Variants in GRHL1 observed in about 807,000 individuals in gnomAD.
GRHL1 encodes the protein grainyhead-like protein 1 homolog.
In GRHL1, 38 loss-of-function variants were observed where a neutral mutation model predicts 75.7. That is an observed-to-expected ratio of 0.50 (90% confidence interval 0.39 to 0.66). The LOEUF (loss-of-function observed/expected upper bound fraction) is 0.66. GRHL1 is among the 30% of genes least tolerant of loss of function. The probability of loss-of-function intolerance (pLI) is 0.00; values close to 1 mark genes in which losing one functional copy is unlikely to be tolerated. For missense variants in GRHL1, 589 were observed against 767.5 expected (o/e 0.77, Z 2.75); for synonymous variants, 266 against 279.4 (o/e 0.95, Z 0.48).
chr2:9,997,022 G>A (rs953470098), intron 14 of GRHL1, among the ~76,000 whole-genome samples: 6 of 152,210 alleles, frequency 3.9e-5, no homozygotes, highest in Non-Finnish European at 8.8e-5. Flanking sequence ...AGCACTGAGT[G>A]CAGATATTTA....
At chr2:9,972,587 G>A (rs1177930343) in intron 8 of GRHL1, among the ~76,000 whole-genome samples, 1 of 152,110 alleles carries the variant, frequency 6.6e-6, no homozygotes, top group Non-Finnish European at 1.5e-5. Flanking sequence ...GCTTTTCCTT[G>A]TAAATGAAAG....
At chr2:9,988,477 C>G (rs1479507964) in intron 9 of GRHL1, among the ~76,000 whole-genome samples, 1 of 152,164 alleles carries the variant, frequency 6.6e-6, no homozygotes, top group Admixed American at 6.5e-5. Flanking sequence ...ACCCTGACCC[C>G]CAGCCTTGGG....
chr2:9,994,555 C>T (rs1018653046), intron 12 of GRHL1, among the ~76,000 whole-genome samples: 6 of 152,124 alleles, frequency 3.9e-5, no homozygotes, highest in Admixed American at 2.0e-4. Flanking sequence ...CGTTACCCAT[C>T]GTGCCTCTCT....
chr2:9,967,368 G>A (rs1020445614), intron 8 of GRHL1, among the ~76,000 whole-genome samples: 2 of 152,274 alleles, frequency 1.3e-5, no homozygotes, highest in African/African-American at 4.8e-5. Flanking sequence ...TTTGTTTGAT[G>A]TGTCACTCTT....
chr2:9,987,175 G>C lies in GRHL1; in HGVS notation c.1269+893G>C, dbSNP rs1668458089. Among the ~76,000 whole-genome samples, 1 of 152,080 alleles carries C rather than the reference G, an allele frequency of 6.6e-6. No individual in the cohort carries two copies. The highest frequency in any genetic ancestry group is 1.5e-5 in the Non-Finnish European group (1 of 68,012). On this transcript the variant is annotated intron_variant, in intron 9 of 15. Transcript: ENST00000324907. This position sits in a 1 kb window ranked among gnomAD's most constrained non-coding sequence, Gnocchi z 4.2. ...TTGTATAGAAACAGGGTTTCGCCAGGTTGGCCAGGCTGGTCTTGAATTCCT... is the reference window on the plus strand; with the variant it reads ...TTGTATAGAAACAGGGTTTCGCCAGCTTGGCCAGGCTGGTCTTGAATTCCT...
rs60857888 is a variant in GRHL1, at chr2:9,958,490, A to AT, written c.208-286dup. ...GCCACCAGCTGTGGCCAGCGGAGGTATTTTTTTTTTAAGAGATGAGACCCA... is the reference window on the plus strand; with the variant it reads ...GCCACCAGCTGTGGCCAGCGGAGGTATTTTTTTTTTTAAGAGATGAGACCCA... On this transcript the variant is annotated intron_variant, in intron 2 of 15. Transcript: ENST00000324907. Among the ~76,000 whole-genome samples the AT allele has an allele frequency of 6.7e-4, 101 of 149,634 alleles. 1 individual carries two copies. Among genetic ancestry groups the AT allele is most frequent in the Admixed American group, 2.1e-3 (31 of 15,020 alleles).
chr2:9,976,530 G>C (rs1667954377), intron 8 of GRHL1, among the ~76,000 whole-genome samples: 1 of 152,146 alleles, frequency 6.6e-6, no homozygotes, highest in Non-Finnish European at 1.5e-5. Flanking sequence ...GACCCCAAGG[G>C]TCTTGGGGTT....
intron 3 of GRHL1, chr2:9,959,697 G>C (rs1667185230): frequency 6.6e-6 from 1 of 152,178 alleles, no homozygotes. Flanking sequence ...AGCCTCAACA[G>C]TTATCAACAC....
At chr2:9,998,890 A>G (rs189326991) in intron 14 of GRHL1, 75 bp from the exon 15 acceptor site, 30,210 of 304,642 alleles carry the variant, frequency 0.099, 7,299 homozygotes, top group Non-Finnish European at 0.11. Context: ...ATATATATAC[A>G]TATATATATA....
intron 8 of GRHL1, among the ~76,000 whole-genome samples, chr2:9,984,353 A>T (rs74404524): frequency 6.6e-6 from 1 of 152,100 alleles, no homozygotes; most frequent in South Asian, 2.1e-4. Flanking sequence ...GGCCAGTCTT[A>T]GTTTTAAAAA....
rs1449878499 is a variant in GRHL1, at chr2:9,986,175, G to A, written c.1162G>A (p.Val388Met). 2 of 1,613,744 alleles carry A rather than the reference G, an allele frequency of 1.2e-6. No individual in the cohort carries two copies. Among genetic ancestry groups the A allele is most frequent in the African/African-American group, 2.7e-5 (2 of 74,986 alleles). The change falls in exon 9 of 16, where the codon GTG becomes ATG. Residue 388 changes from valine (V) to methionine (M), a missense_variant. Physicochemically the swap from Val to Met is conservative, Grantham distance 21 (BLOSUM62 1). Around this residue, in one of 5 missense-constraint regions of GRHL1, gnomAD observed 30 missense variants for 40.3 expected, o/e 0.74. Coordinates refer to ENST00000324907, the MANE Select transcript of GRHL1 (RefSeq NM_198182.3). ...CACAGATTTCTCTTCCCAGAAGGGA[G>A]TGAAGGGGTTGCCTCTTAACATTCA... ...LSTDFSSQKGVKGLPLNIQVD... is the reference protein window; with the variant it reads ...LSTDFSSQKGMKGLPLNIQVD...
chr2:9,964,501 G>A, intron 7 of GRHL1, 155 bp downstream of exon 7: 1 of 581,182 alleles, frequency 1.7e-6, no homozygotes, highest in Non-Finnish European at 3.1e-6. Flanking sequence ...CGGCCTCCTG[G>A]AACCAGTGCT....
At chr2:9,956,709 AATT>A (rs1196945834) in intron 2 of GRHL1, among the ~76,000 whole-genome samples, 5 of 152,184 alleles carry the variant, frequency 3.3e-5, no homozygotes, top group African/African-American at 1.2e-4. Flanking sequence ...TTGAAGTGGA[AATT>A]ATTATATATC....
Position 9,992,071 on chromosome 2 carries a change from C to T in GRHL1, c.1386C>T (p.Pro462=). The T allele has an allele frequency of 6.2e-7, 1 of 1,613,472 alleles. No homozygotes were observed. The highest frequency in any genetic ancestry group is 8.5e-7 in the Non-Finnish European group (1 of 1,179,576). ...HKRMDITVFK[P]FIDLDTQPVL... ...GAATGGATATCACAGTTTTCAAACC[C>T]TTCATTGATCTCGATACTCAGCCTG... Residue 462 remains proline, a synonymous_variant, in exon 11 of 16, where the codon CCC becomes CCT. Coordinates refer to ENST00000324907, the MANE Select transcript of GRHL1 (RefSeq NM_198182.3). The surrounding 1 kb of genome is among the most constrained non-coding windows in gnomAD (Gnocchi z 4.6).
In GRHL1 at chr2:9,986,638, C is replaced by T. The variant is rs562154303; in HGVS notation, c.1269+356C>T. Among the ~76,000 whole-genome samples, 3 of 151,964 alleles carry T rather than the reference C, an allele frequency of 2.0e-5. No homozygotes were observed. The South Asian group carries it at 6.2e-4, about 32-fold the overall frequency. On this transcript the variant is annotated intron_variant, in intron 9 of 15. Transcript: ENST00000324907. ...TCGCCATGTTCCCCAGGCTGGTCTC[C>T]AACTCCTGAGCTCAGGTAATCTGCC...
In GRHL1 at chr2:9,965,364, A is replaced by G. The variant is rs1344226054; in HGVS notation, c.1093A>G (p.Ile365Val). 1.2e-6 allele frequency: 2 copies of G among 1,605,026 alleles called. No individual in the cohort carries two copies. The highest frequency in any genetic ancestry group is 2.2e-5 in the East Asian group (1 of 44,850). The change falls in exon 8 of 16, where the codon ATC becomes GTC. Residue 365 changes from isoleucine to valine, a missense_variant. Transcript: ENST00000324907. ...AYNAISFTWDINDEAKVFISV... is the reference protein window; with the variant it reads ...AYNAISFTWDVNDEAKVFISV... Reference sequence around the variant, plus strand: ...TAACGCCATTTCCTTCACATGGGACATCAACGATGAAGCAAAGGTGGGTGG... The same window carrying G: ...TAACGCCATTTCCTTCACATGGGACGTCAACGATGAAGCAAAGGTGGGTGG...
At chr2:9,957,271 G>A (rs1047745418) in intron 2 of GRHL1, among the ~76,000 whole-genome samples, 4 of 151,984 alleles carry the variant, frequency 2.6e-5, no homozygotes, top group Non-Finnish European at 5.9e-5. Context: ...GATTACGGAC[G>A]TGAGCCACTG....
At chr2:9,959,790 A>T (rs1026819635) in intron 3 of GRHL1, 4 of 152,222 alleles carry the variant, frequency 2.6e-5, no homozygotes, top group African/African-American at 9.6e-5. Context: ...TTTTGCTGGA[A>T]CATTCTGAAG....
chr2:9,964,837 G>A lies in GRHL1; in HGVS notation c.1016-450G>A, dbSNP rs77212570. 2.6e-4 allele frequency: 45 copies of A among 171,224 alleles called. 1 individual carries two copies. In the East Asian group the frequency reaches 5.8e-3, roughly 22 times the overall value. The allele number at this position is 171,224 out of a possible 1,614,324, so 10.6% of individuals were successfully genotyped here. ...GCAAATCTGTATTTACTGAAGTAGC[G>A]TTACACAGACCTCTGTTCTTGCCAT... On this transcript the variant is annotated intron_variant, in intron 7 of 15. Transcript: ENST00000324907.
Sources: gnomAD v4.1 joint callset for allele counts (sites outside exome capture counted in the v4.1 genomes callset) on GRCh38, gnomAD v4.1.1 for gene constraint, gnomAD v4.1.1 regional missense constraint, Gnocchi (gnomAD v3.1) non-coding constraint, MANE v1.5 for transcripts, NCBI Gene and HGNC (gene_info 2026-07-23, HGNC 2026-07-21) for gene names.